GJA8: variants seen among roughly 807,000 people sequenced by gnomAD.
GJA8 encodes the protein gap junction alpha-8 protein.
Under a neutral mutation model 15.3 loss-of-function variants are expected in GJA8, and 13 were observed. That is an observed-to-expected ratio of 0.85 (90% CI 0.55 to 1.35). The LOEUF (loss-of-function observed/expected upper bound fraction) is 1.35. Ranked by LOEUF, GJA8 falls within the 40% of genes most tolerant of loss-of-function variation. The probability of loss-of-function intolerance (pLI) is 0.00; values close to 1 mark genes in which losing one functional copy is unlikely to be tolerated. For missense variants in GJA8, 607 were observed against 553.3 expected (o/e 1.10, Z -0.97); for synonymous variants, 304 against 238.7 (o/e 1.27, Z -2.52).
chr1:147,909,292 CT>C, downstream of GJA8: 1 of 1,358,822 alleles, frequency 7.4e-7, no homozygotes, highest in Non-Finnish European at 1.1e-6. Context: ...AACGCCCAAG[CT>C]TACGTAGGGC....
downstream of GJA8, among the ~76,000 whole-genome samples, chr1:147,912,366 T>C (rs1478374443): frequency 6.6e-6 from 1 of 152,170 alleles, no homozygotes; most frequent in Non-Finnish European, 1.5e-5. Flanking sequence ...TCAGAAGAGA[T>C]TCAAAACAGA....
At chr1:147,905,948 G>A (rs1651780770) in intron 1 of GJA8, among the ~76,000 whole-genome samples, 2 of 152,196 alleles carry the variant, frequency 1.3e-5, no homozygotes, top group African/African-American at 4.8e-5. Context: ...GAGCTTATGA[G>A]GCCTCAAGAG....
chr1:147,908,431 C>T lies in GJA8; in HGVS notation c.476C>T (p.Thr159Ile), dbSNP rs1651906032. Residue 159 changes from threonine to isoleucine, a missense_variant, in exon 2 of 2, where the codon ACC becomes ATC. Thr to Ile is a moderately conservative substitution (Grantham distance 89, BLOSUM62 -1). Transcript: ENST00000369235. ...TACATCTGCCACATCATCTTCAAGA[C>T]CCTCTTTGAAGTGGGCTTCATCGTG... ...RTYICHIIFKTLFEVGFIVGH... is the reference protein window; with the variant it reads ...RTYICHIIFKILFEVGFIVGH... 3.7e-6 allele frequency: 6 copies of T among 1,614,144 alleles called. No individual in the cohort carries two copies. The highest frequency in any genetic ancestry group is 1.3e-5 in the African/African-American group (1 of 75,040).
chr1:147,903,398 G>A (rs1553241875), intron 1 of GJA8, among the ~76,000 whole-genome samples: 1 of 152,130 alleles, frequency 6.6e-6, no homozygotes, highest in African/African-American at 2.4e-5. Context: ...AGAACTGCTG[G>A]CTAGTGGCTG....
rs2149016010 is a variant in GJA8, at chr1:147,908,610, C to T, written c.655C>T (p.Leu219Phe). Residue 219 changes from leucine (L) to phenylalanine (F), a missense_variant, in exon 2 of 2, where the codon CTC becomes TTC. Physicochemically the swap from Leu to Phe is conservative, Grantham distance 22. Transcript: ENST00000369235. ...GTCTGTGGCCTCTGTGTCCCTATTC[C>T]TCAACGTGATGGAGTTGGGCCACCT... ...MLSVASVSLF[L>F]NVMELGHLGL... 6.2e-7 allele frequency: 1 copy of T among 1,614,128 alleles called. No homozygotes were observed. The highest frequency in any genetic ancestry group is 8.5e-7 in the Non-Finnish European group (1 of 1,180,044).
chr1:147,903,632 C>T (rs1244075162), intron 1 of GJA8, among the ~76,000 whole-genome samples: 1 of 152,230 alleles, frequency 6.6e-6, no homozygotes, highest in Non-Finnish European at 1.5e-5. Context: ...CTCATTTCAC[C>T]TCCCAGCCTG....
chr1:147,908,994 G>T lies in GJA8; in HGVS notation c.1039G>T (p.Gly347Ter). ...AGAGGAGGGAGCCGAACCCGAGGTGGGAGAGAAGAAGGAGGAAGCAGAGAG... is the reference window on the plus strand; with the variant it reads ...AGAGGAGGGAGCCGAACCCGAGGTGTGAGAGAAGAAGGAGGAAGCAGAGAG... ...PAEEGAEPEV[G>*]EKKEEAERLT... Residue 347 changes from glycine to a stop codon, truncating the protein, a stop_gained, in exon 2 of 2, where the codon GGA becomes TGA. Coordinates refer to ENST00000369235, the MANE Select transcript of GJA8 (RefSeq NM_005267.5). LOFTEE classifies it low-confidence loss of function (END_TRUNC). 6.3e-7 allele frequency: 1 copy of T among 1,595,440 alleles called. No homozygotes were observed. The highest frequency in any genetic ancestry group is 2.3e-5 in the East Asian group (1 of 44,414).
chr1:147,908,821 C>T lies in GJA8; in HGVS notation c.866C>T (p.Thr289Ile). The T allele has an allele frequency of 5.0e-6, 8 of 1,614,180 alleles. No individual in the cohort carries two copies. Among genetic ancestry groups the T allele is most frequent in the Admixed American group, 1.7e-5 (1 of 60,024 alleles). The change falls in exon 2 of 2, where the codon ACC (threonine) becomes ATC (isoleucine). Residue 289 changes from threonine to isoleucine, a missense_variant. Transcript: ENST00000369235. ...TTGACCGAGGTTGGGATGGTGGAGA[C>T]CAGCCCACTGCCTGCCAAGCCTTTC... The part of the protein sequence containing the change: ...FPLTEVGMVE[T>I]SPLPAKPFNQ...
chr1:147,905,578 G>T lies in GJA8; in HGVS notation c.-11-2367G>T, dbSNP rs1478858534. ...AATTGCTGTTTTAACATAAATTTTAGAATGAACTATTTGATAAGAAATGAA... is the reference window on the plus strand; with the variant it reads ...AATTGCTGTTTTAACATAAATTTTATAATGAACTATTTGATAAGAAATGAA... On this transcript the variant is annotated intron_variant, in intron 1 of 1. Coordinates refer to ENST00000369235, the MANE Select transcript of GJA8 (RefSeq NM_005267.5). 3.3e-5 allele frequency among the ~76,000 whole-genome samples: 5 copies of T among 152,312 alleles called. No homozygotes were observed. In the East Asian group the frequency reaches 5.8e-4, roughly 18 times the overall value.
In GJA8 at chr1:147,908,761, TAGA is replaced by T. The variant is rs782806108; in HGVS notation, c.813_815del (p.Glu272del). ...CAGAAAGCCAAGGGCTATCAGCTCC[TAGA>T]AGAAGAGAAAATCGTTTCCCACTAT... On this transcript the variant is annotated inframe_deletion, in exon 2 of 2. Transcript: ENST00000369235. 4.3e-6 allele frequency: 7 copies of T among 1,613,964 alleles called. No individual in the cohort carries two copies. The highest frequency in any genetic ancestry group is 1.7e-5 in the Admixed American group (1 of 60,004).
downstream of GJA8, among the ~76,000 whole-genome samples, chr1:147,909,429 C>T (rs1204526476): frequency 6.6e-6 from 1 of 152,130 alleles, no homozygotes; most frequent in African/African-American, 2.4e-5. Context: ...ACAGTCTTTC[C>T]CACATCCAGC....
intron 1 of GJA8, among the ~76,000 whole-genome samples, chr1:147,903,127 T>C (rs1558006997): frequency 1.3e-5 from 2 of 152,182 alleles, no homozygotes; most frequent in African/African-American, 4.8e-5. Flanking sequence ...CAAACTACAA[T>C]TTGACTTCTT....
intron 1 of GJA8, among the ~76,000 whole-genome samples, chr1:147,906,551 G>A (rs1353296541): frequency 6.6e-6 from 1 of 152,154 alleles, no homozygotes; most frequent in Non-Finnish European, 1.5e-5. Flanking sequence ...GACACTAAAA[G>A]TGTCCTAGAA....
downstream of GJA8, among the ~76,000 whole-genome samples, chr1:147,912,982 G>A (rs946321156): frequency 4.6e-5 from 7 of 151,892 alleles, no homozygotes; most frequent in Non-Finnish European, 1.0e-4. Context: ...ACACAGGGAA[G>A]CATCCAGTAC....
In GJA8 at chr1:147,908,219, G is replaced by A. The variant is rs1227166611; in HGVS notation, c.264G>A (p.Pro88=). 2 of 1,614,186 alleles carry A rather than the reference G, an allele frequency of 1.2e-6. No homozygotes were observed. The highest frequency in any genetic ancestry group is 2.2e-5 in the South Asian group (2 of 91,080). Residue 88 remains proline (P), a synonymous_variant, in exon 2 of 2, where the codon CCG becomes CCA. Transcript: ENST00000369235. ...WVLQIIFVST[P]SLMYVGHAVH... The stretch of plus-strand genomic sequence containing the variant: ...TGCAGATCATCTTCGTCTCCACCCC[G>A]TCCCTGATGTACGTGGGGCACGCGG...
rs1553243055 is a variant in GJA8, at chr1:147,909,199, C to G, written c.1244C>G (p.Pro415Arg). Residue 415 changes from proline (P) to arginine (R), a missense_variant, in exon 2 of 2, where the codon CCC becomes CGC. Transcript: ENST00000369235. Reference protein sequence around the residue: ...CPELTTDDARPLSRLSKASSR... With the variant: ...CPELTTDDARRLSRLSKASSR... The stretch of plus-strand genomic sequence containing the variant: ...GAGCTGACAACAGATGATGCCAGAC[C>G]CCTGAGCAGGCTAAGCAAAGCCAGC... 1.2e-6 allele frequency: 2 copies of G among 1,613,790 alleles called. No homozygotes were observed. Among genetic ancestry groups the G allele is most frequent in the Admixed American group, 3.3e-5 (2 of 59,980 alleles).
In GJA8 at chr1:147,908,613, A is replaced by T. The variant is rs138140155; in HGVS notation, c.658A>T (p.Asn220Tyr). 6.2e-7 allele frequency: 1 copy of T among 1,613,990 alleles called. No homozygotes were observed. Among genetic ancestry groups the T allele is most frequent in the Admixed American group, 1.7e-5 (1 of 60,004 alleles). ...LSVASVSLFL[N>Y]VMELGHLGLK... The stretch of plus-strand genomic sequence containing the variant: ...TGTGGCCTCTGTGTCCCTATTCCTC[A>T]ACGTGATGGAGTTGGGCCACCTGGG... The change falls in exon 2 of 2, where the codon AAC becomes TAC. Residue 220 changes from asparagine (N) to tyrosine (Y), a missense_variant. By Grantham distance (143) the Asn-to-Tyr change is moderately radical (BLOSUM62 -2). Coordinates refer to ENST00000369235, the MANE Select transcript of GJA8 (RefSeq NM_005267.5).
In GJA8 at chr1:147,908,886, G is replaced by C; in HGVS notation, c.931G>C (p.Asp311His). Residue 311 changes from aspartate (D) to histidine (H), a missense_variant, in exon 2 of 2, where the codon GAC becomes CAC. By Grantham distance (81) the Asp-to-His change is moderately conservative. Coordinates refer to ENST00000369235, the MANE Select transcript of GJA8 (RefSeq NM_005267.5). The stretch of plus-strand genomic sequence containing the variant: ...GAAGATCAGCACAGGACCCCTGGGG[G>C]ACTTGTCCCGGGGCTACCAAGAGAC... ...EEKISTGPLG[D>H]LSRGYQETLP... 6.2e-7 allele frequency: 1 copy of C among 1,614,100 alleles called. No homozygotes were observed. The highest frequency in any genetic ancestry group is 8.5e-7 in the Non-Finnish European group (1 of 1,179,942).
At chr1:147,911,580 C>T (rs1364595594), downstream of GJA8, among the ~76,000 whole-genome samples, 3 of 152,116 alleles carry the variant, frequency 2.0e-5, no homozygotes, top group Non-Finnish European at 4.4e-5. Flanking sequence ...CTTAATCTTA[C>T]CCCTAGCAAG....
Sources: allele counts gnomAD v4.1 joint callset (sites outside exome capture counted in the v4.1 genomes callset), GRCh38; gene constraint gnomAD v4.1.1; transcripts MANE v1.5; gene names NCBI Gene and HGNC (gene_info 2026-07-23, HGNC 2026-07-21).